Variants in ANKS1B observed in about 807,000 individuals in gnomAD.
The protein encoded by ANKS1B is ankyrin repeat and sterile alpha motif domain-containing protein 1B.
Under a neutral mutation model 148.3 loss-of-function variants are expected in ANKS1B, and 36 were observed. The observed-to-expected ratio is 0.24, with a 90% CI of 0.19 to 0.32. ANKS1B has a LOEUF of 0.32. Ranked by LOEUF, ANKS1B falls within the 10% of genes least tolerant of loss-of-function variation. The pLI, the probability that ANKS1B is intolerant of heterozygous loss-of-function variation, is 1.00. For synonymous variants in ANKS1B, 542 were observed against 560.8 expected (o/e 0.97, Z 0.47); for missense variants, 1,157 against 1,542.6 (o/e 0.75, Z 4.19).
At chr12:98,879,337 G>T (rs1402166541) in intron 17 of ANKS1B, among the ~76,000 whole-genome samples, 1 of 152,172 alleles carries the variant, frequency 6.6e-6, no homozygotes, top group Non-Finnish European at 1.5e-5. Flanking sequence ...CCATTTTACA[G>T]ATGAGCAAAA....
chr12:99,757,884 A>C (rs761341253), intron 8 of ANKS1B, among the ~76,000 whole-genome samples: 8 of 152,022 alleles, frequency 5.3e-5, no homozygotes, highest in Non-Finnish European at 1.2e-4. Context: ...GTGGGAGCTA[A>C]GTGATGAGAA....
At chr12:99,754,940 T>TATACAACCAAGAGCAAAC (rs1325002545) in intron 8 of ANKS1B, among the ~76,000 whole-genome samples, 2 of 151,708 alleles carry the variant, frequency 1.3e-5, no homozygotes, top group Non-Finnish European at 2.9e-5. Context: ...CTAAAAGAAC[T>TATACAACCAAGAGCAAAC]ATACAACCAA....
chr12:99,214,883 A>G (rs2083912659), intron 14 of ANKS1B, among the ~76,000 whole-genome samples: 1 of 152,130 alleles, frequency 6.6e-6, no homozygotes, highest in African/African-American at 2.4e-5. Flanking sequence ...GGAGATGAAG[A>G]ACTTATTAGG....
At chr12:99,279,056 C>T (rs2078051779) in intron 12 of ANKS1B, among the ~76,000 whole-genome samples, 1 of 152,050 alleles carries the variant, frequency 6.6e-6, no homozygotes, top group African/African-American at 2.4e-5. Context: ...AGAATGGTGC[C>T]TGAAATGGTG....
Position 99,134,690 on chromosome 12 carries a change from CACACACACA to C in ANKS1B, c.2526+19590_2526+19598del, listed in dbSNP as rs2067380512. 3.0e-5 allele frequency among the ~76,000 whole-genome samples: 4 copies of C among 131,478 alleles called. 1 individual carries two copies. Among genetic ancestry groups the C allele is most frequent in the East Asian group, 4.9e-4 (2 of 4,044 alleles). 86.3% of individuals were successfully genotyped at this position (131,478 alleles called of 152,430 possible). On this transcript the variant is annotated intron_variant, in intron 15 of 26. Coordinates refer to ENST00000683438, the MANE Select transcript of ANKS1B (RefSeq NM_001352186.2). ...ACACACACACACACACACACACACA[CACACACACA>C]CCAGGCATTTACCCTCCATTCTCAG...
At chr12:99,529,606 T>C (rs1050217574) in intron 9 of ANKS1B, among the ~76,000 whole-genome samples, 1 of 148,312 alleles carries the variant, frequency 6.7e-6, no homozygotes. Context: ...TGAGCAAAGA[T>C]TGCACCACTG....
chr12:99,038,942 T>C (rs1165468115), intron 17 of ANKS1B, among the ~76,000 whole-genome samples: 1 of 152,230 alleles, frequency 6.6e-6, no homozygotes, highest in African/African-American at 2.4e-5. Context: ...CTAGCTGATA[T>C]CATATTACAG....
At chr12:99,648,719 AT>A in intron 9 of ANKS1B, 1 of 1,614,100 alleles carries the variant, frequency 6.2e-7, no homozygotes, top group Non-Finnish European at 8.5e-7. Context: ...GCTTACAGTG[AT>A]ACCAGGGCTA....
intron 9 of ANKS1B, among the ~76,000 whole-genome samples, chr12:99,554,346 T>C (rs1179018221): frequency 6.6e-6 from 1 of 152,138 alleles, no homozygotes; most frequent in African/African-American, 2.4e-5. Flanking sequence ...GAGTCAGGGA[T>C]TTTTTAAACC....
At chr12:99,870,458 A>AGTCT (rs1362348534) in intron 1 of ANKS1B, among the ~76,000 whole-genome samples, 1 of 152,146 alleles carries the variant, frequency 6.6e-6, no homozygotes, top group East Asian at 1.9e-4. Context: ...TAGACCCAGT[A>AGTCT]ATGTGATTGT....
chr12:99,465,485 GAC>G (rs1415073356), intron 10 of ANKS1B, among the ~76,000 whole-genome samples: 3 of 152,102 alleles, frequency 2.0e-5, no homozygotes, highest in African/African-American at 7.2e-5. Context: ...CCAATTAAAA[GAC>G]ACAGACTGGC....
chr12:99,729,993 G>T (rs192478920), intron 8 of ANKS1B, among the ~76,000 whole-genome samples: 15 of 152,278 alleles, frequency 9.9e-5, no homozygotes, highest in African/African-American at 3.6e-4. Context: ...GCTCCTCAAG[G>T]AGTTGTAGCT....
chr12:99,750,262 A>G (rs1225930344), intron 8 of ANKS1B, among the ~76,000 whole-genome samples: 1 of 152,076 alleles, frequency 6.6e-6, no homozygotes, highest in African/African-American at 2.4e-5. Flanking sequence ...CCCGCTATAT[A>G]TATAATAAGC....
chr12:99,304,478 G>A (rs1034052512), intron 12 of ANKS1B, among the ~76,000 whole-genome samples: 4 of 151,946 alleles, frequency 2.6e-5, no homozygotes, highest in Admixed American at 6.6e-5. Context: ...CCCTTCTACC[G>A]TTTTCTTTTA....
rs1568362377 is a variant in ANKS1B, at chr12:99,013,714, CA to C, written c.2778+39442del. On this transcript the variant is annotated intron_variant, in intron 17 of 26. Transcript: ENST00000683438. ...AAAAATCACTAGCATTCCTATACACCAACAACAGTCAAGCTGAGAGCCAAAT... is the reference window on the plus strand; with the variant it reads ...AAAAATCACTAGCATTCCTATACACCACAACAGTCAAGCTGAGAGCCAAAT... Among the ~76,000 whole-genome samples, 5 of 152,054 alleles carry C rather than the reference CA, an allele frequency of 3.3e-5. No individual in the cohort carries two copies. In the South Asian group the frequency reaches 1.0e-3, roughly 32 times the overall value.
At chr12:99,882,627 C>T (rs571522533) in intron 1 of ANKS1B, among the ~76,000 whole-genome samples, 3 of 152,186 alleles carry the variant, frequency 2.0e-5, no homozygotes, top group African/African-American at 7.2e-5. Context: ...ATATAATGGA[C>T]TATAGAGACT....
At chr12:99,466,582 T>C (rs12820857) in intron 10 of ANKS1B, among the ~76,000 whole-genome samples, 3,640 of 142,790 alleles carry the variant, frequency 0.025, 261 homozygotes, top group African/African-American at 0.1. Flanking sequence ...ATCAAATAGA[T>C]GCAATAAAAA....
At chr12:98,884,769 G>A (rs990759588) in intron 17 of ANKS1B, among the ~76,000 whole-genome samples, 4 of 140,812 alleles carry the variant, frequency 2.8e-5, no homozygotes, top group East Asian at 2.1e-4. Context: ...ACTGCAGTCC[G>A]CAGTCCGACC....
At chr12:99,763,201 T>C (rs993383478) in intron 8 of ANKS1B, among the ~76,000 whole-genome samples, 4 of 152,072 alleles carry the variant, frequency 2.6e-5, no homozygotes, top group African/African-American at 9.7e-5. Flanking sequence ...GTATGCTCAT[T>C]GCAGCACTTT....
Sources: gnomAD v4.1 joint callset for allele counts (sites outside exome capture counted in the v4.1 genomes callset) on GRCh38, gnomAD v4.1.1 for gene constraint, MANE v1.5 for transcripts, NCBI Gene and HGNC (gene_info 2026-07-23, HGNC 2026-07-21) for gene names.